The following OPA3 variants were observed in gnomAD, a reference collection of about 807,000 sequenced individuals.
The protein encoded by OPA3 is optic atrophy 3 protein.
In OPA3, 6 loss-of-function variants were observed where a neutral mutation model predicts 4.0. The observed-to-expected ratio is 1.51, with a 90% CI of 0.83 to 2.99. The LOEUF (loss-of-function observed/expected upper bound fraction) is 2.99, where lower values mean the gene tolerates loss of function less well. OPA3 is among the 30% of genes most tolerant of loss of function. OPA3 has a pLI of 0.00. For missense variants in OPA3, 235 were observed against 256.2 expected (o/e 0.92, Z 0.56); for synonymous variants, 105 against 117.1 (o/e 0.90, Z 0.67).
At chr19:45,574,898 G>A (rs1235855547) in intron 1 of OPA3, among the ~76,000 whole-genome samples, 1 of 152,138 alleles carries the variant, frequency 6.6e-6, no homozygotes, top group Non-Finnish European at 1.5e-5. Flanking sequence ...CTGCAGGAAA[G>A]ACCACGTGGA....
In OPA3 at chr19:45,572,442, A is replaced by G. The variant is rs548793250; in HGVS notation, c.142+12181T>C. The stretch of plus-strand genomic sequence containing the variant: ...TCGATATATATCATGATATATGTAT[A>G]TCAATATATGATATATATCATATAT... On this transcript the variant is annotated intron_variant, in intron 1 of 1. Transcript: ENST00000263275. Among the ~76,000 whole-genome samples the G allele has an allele frequency of 5.7e-4, 75 of 132,478 alleles. 1 individual carries two copies. Among genetic ancestry groups the G allele is most frequent in the African/African-American group, 2.1e-3 (70 of 33,664 alleles). 86.9% of individuals were successfully genotyped at this position (132,478 alleles called of 152,430 possible).
chr19:45,529,450 T>TGGTA lies in OPA3; in HGVS notation c.145_148dup (p.His50LeufsTer184), dbSNP rs1180521381. 6.2e-7 allele frequency: 1 copy of TGGTA among 1,613,982 alleles called. No homozygotes were observed. The highest frequency in any genetic ancestry group is 1.7e-5 in the Admixed American group (1 of 60,012). The stretch of plus-strand genomic sequence containing the variant: ...CATTTTGGTCCGCATCTCCAGCCAG[T>TGGTA]GGTACACTGCAGGAAAAGACAGGAG... On this transcript the variant is annotated frameshift_variant, in exon 2 of 2. Coordinates refer to the OPA3 transcript ENST00000323060. LOFTEE classifies it low-confidence loss of function (END_TRUNC).
chr19:45,541,887 G>C (rs1024175870), downstream of OPA3, among the ~76,000 whole-genome samples: 17 of 152,260 alleles, frequency 1.1e-4, no homozygotes, highest in Admixed American at 2.6e-4. Flanking sequence ...CTTGGGGAAG[G>C]CTTCAAGGAT....
At chr19:45,537,396 C>CAAAAAAAAAAAAAAAAAAAAA (rs1181396046) in intron 1 of OPA3, among the ~76,000 whole-genome samples, 2 of 28,912 alleles carry the variant, frequency 6.9e-5, no homozygotes, top group African/African-American at 1.6e-4. Context: ...GACTCTGTCT[C>CAAAAAAAAAAAAAAAAAAAAA]AAAAAAAAAA....
At chr19:45,576,540 C>CG (rs1043023950) in intron 1 of OPA3, among the ~76,000 whole-genome samples, 2 of 124,338 alleles carry the variant, frequency 1.6e-5, no homozygotes, top group East Asian at 4.8e-4. Flanking sequence ...CTCCATCCCC[C>CG]CCCCCCCAAA....
Position 45,551,259 on chromosome 19 carries a change from C to A in OPA3, c.*2255G>T, listed in dbSNP as rs552223709. The stretch of plus-strand genomic sequence containing the variant: ...GGGATTACAGGTGTGAGCCACTGCA[C>A]CTGGACGCCAGCGTACTCTTGGGGT... On this transcript the variant is annotated 3_prime_UTR_variant, in exon 2 of 2. Transcript: ENST00000263275. The A allele has an allele frequency of 3.3e-5, 5 of 152,980 alleles. No homozygotes were observed. In the East Asian group the frequency reaches 7.7e-4, roughly 24 times the overall value. The allele number at this position is 152,980 out of a possible 1,614,324, so 9.5% of individuals were successfully genotyped here.
At chr19:45,557,907 G>A (rs533565370) in intron 1 of OPA3, among the ~76,000 whole-genome samples, 4 of 152,174 alleles carry the variant, frequency 2.6e-5, no homozygotes, top group East Asian at 1.9e-4. Flanking sequence ...CCAGGCACAC[G>A]CATGATGCTC....
intron 1 of OPA3, among the ~76,000 whole-genome samples, chr19:45,572,369 A>G (rs546255659): frequency 6.2e-4 from 85 of 136,906 alleles, no homozygotes; most frequent in African/African-American, 2.1e-3. Flanking sequence ...TGAGATATAT[A>G]TCGATATATA....
chr19:45,539,109 G>C (rs1403725518), intron 1 of OPA3, among the ~76,000 whole-genome samples: 1 of 152,124 alleles, frequency 6.6e-6, no homozygotes, highest in African/African-American at 2.4e-5. Context: ...ATTATCAGGA[G>C]AACAGCATAA....
chr19:45,548,233 G>A lies in OPA3; in HGVS notation c.*5281C>T. 1.0e-6 allele frequency: 1 copy of A among 985,614 alleles called. No individual in the cohort carries two copies. The highest frequency in any genetic ancestry group is 1.2e-6 in the Non-Finnish European group (1 of 829,996). The allele number at this position is 985,614 out of a possible 1,614,324, so 61.1% of individuals were successfully genotyped here. ...CAACACAGCGACCAGCCCAGGAGTA[G>A]CTCCGTGAGCCAATAGATCAGGTTG... is the stretch of plus-strand genomic sequence containing the variant. On this transcript the variant is annotated 3_prime_UTR_variant, in exon 2 of 2. Transcript: ENST00000263275.
intron 1 of OPA3, among the ~76,000 whole-genome samples, chr19:45,571,846 A>C (rs1025259093): frequency 1.3e-5 from 2 of 152,098 alleles, no homozygotes; most frequent in Non-Finnish European, 2.9e-5. Context: ...CCTGGTGGTT[A>C]GTTAGCCCTT....
At chr19:45,581,174 G>C (rs1969849491) in intron 1 of OPA3, among the ~76,000 whole-genome samples, 1 of 152,130 alleles carries the variant, frequency 6.6e-6, no homozygotes, top group African/African-American at 2.4e-5. Flanking sequence ...TAACAGGAAA[G>C]CACTTTGGTA....
intron 1 of OPA3, among the ~76,000 whole-genome samples, chr19:45,577,080 CT>C (rs1969780440): frequency 6.6e-6 from 1 of 152,212 alleles, no homozygotes; most frequent in African/African-American, 2.4e-5. Context: ...CAGGCATGGC[CT>C]CAACCTGCCT....
At position 45,549,055 on chromosome 19, in the gene OPA3, C is replaced by G. The variant is rs1969293924; in HGVS notation, c.*4459G>C. The G allele has an allele frequency of 2.2e-6, 2 of 918,062 alleles. No individual in the cohort carries two copies. Among genetic ancestry groups the G allele is most frequent in the Non-Finnish European group, 2.6e-6 (2 of 768,656 alleles). 56.9% of individuals were successfully genotyped at this position (918,062 alleles called of 1,614,324 possible). A position where few individuals can be genotyped will look rare whatever the true frequency, so the allele number is the denominator to read the frequency against. On this transcript the variant is annotated 3_prime_UTR_variant, in exon 2 of 2. Transcript: ENST00000263275. ...CCTGACCTCAGGTGATCCACCCACC[C>G]TGGCCTCCCAAAGTGCTAGGATTAC...
Position 45,550,862 on chromosome 19 carries a change from G to C in OPA3, c.*2652C>G. 1.0e-6 allele frequency: 1 copy of C among 986,050 alleles called. No homozygotes were observed. Among genetic ancestry groups the C allele is most frequent in the Non-Finnish European group, 1.2e-6 (1 of 830,122 alleles). The allele number at this position is 986,050 out of a possible 1,614,324, so 61.1% of individuals were successfully genotyped here. A position where few individuals can be genotyped will look rare whatever the true frequency, so the allele number is the denominator to read the frequency against. Reference sequence around the variant, plus strand: ...GGACCCACCCCCTCCCGCTTCAGTGGCAGATCCTGGAAGAGAAACCCAGTA... The same window carrying C: ...GGACCCACCCCCTCCCGCTTCAGTGCCAGATCCTGGAAGAGAAACCCAGTA... On this transcript the variant is annotated 3_prime_UTR_variant, in exon 2 of 2. Transcript: ENST00000263275.
At position 45,550,544 on chromosome 19, in the gene OPA3, CCT is replaced by C. The variant is rs1175637433; in HGVS notation, c.*2968_*2969del. The C allele has an allele frequency of 1.0e-6, 1 of 986,844 alleles. No individual in the cohort carries two copies. The highest frequency in any genetic ancestry group is 1.2e-6 in the Non-Finnish European group (1 of 831,180). 61.1% of individuals were successfully genotyped at this position (986,844 alleles called of 1,614,324 possible). A position where few individuals can be genotyped will look rare whatever the true frequency, so the allele number is the denominator to read the frequency against. ...CACTCTGCAGCTGGGGTAATCCAAG[CCT>C]CTCACTCTGCCCCTACTACTTCACC... On this transcript the variant is annotated 3_prime_UTR_variant, in exon 2 of 2. Coordinates refer to ENST00000263275, the MANE Select transcript of OPA3 (RefSeq NM_025136.4).
At chr19:45,568,875 C>T (rs1188099129) in intron 1 of OPA3, among the ~76,000 whole-genome samples, 1 of 152,068 alleles carries the variant, frequency 6.6e-6, no homozygotes, top group Admixed American at 6.6e-5. Flanking sequence ...CCCTCTGTGC[C>T]CTGGGGTCAC....
chr19:45,576,695 C>T (rs1429743432), intron 1 of OPA3, among the ~76,000 whole-genome samples: 1 of 152,142 alleles, frequency 6.6e-6, no homozygotes, highest in Non-Finnish European at 1.5e-5. Flanking sequence ...TCATGCCTCC[C>T]TTCCTCCATC....
At chr19:45,578,526 C>A (rs1433948382) in intron 1 of OPA3, among the ~76,000 whole-genome samples, 2 of 151,300 alleles carry the variant, frequency 1.3e-5, no homozygotes, top group Non-Finnish European at 2.9e-5. Flanking sequence ...ACCAAGTTAT[C>A]CTTAAAAACT....
Sources: allele counts gnomAD v4.1 joint callset (sites outside exome capture counted in the v4.1 genomes callset), GRCh38; gene constraint gnomAD v4.1.1; transcripts MANE v1.5; gene names NCBI Gene and HGNC (gene_info 2026-07-23, HGNC 2026-07-21).